Variants in DENND4C observed in about 807,000 individuals in gnomAD.
DENND4C encodes DENN domain-containing protein 4C.
DENND4C carries 108 observed loss-of-function variants against 203.0 expected under a neutral mutation model. The observed-to-expected ratio is 0.53, with a 90% CI of 0.46 to 0.62. The LOEUF (loss-of-function observed/expected upper bound fraction) is 0.62, where lower values mean the gene tolerates loss of function less well. Among genes scored for constraint, DENND4C ranks in the 20% least tolerant of loss-of-function variants. DENND4C has a pLI of 0.00. For synonymous variants in DENND4C, 871 were observed against 792.4 expected (o/e 1.10, Z -1.67); for missense variants, 2,481 against 2,301.2 (o/e 1.08, Z -1.60).
At chr9:19,356,400 C>T (rs913409903) in intron 26 of DENND4C, among the ~76,000 whole-genome samples, 5 of 151,950 alleles carry the variant, frequency 3.3e-5, no homozygotes, top group African/African-American at 1.2e-4. Context: ...AAAACATTAC[C>T]ATTACCTCAG....
chr9:19,321,683 A>G (rs889628819), intron 12 of DENND4C, among the ~76,000 whole-genome samples: 3 of 151,832 alleles, frequency 2.0e-5, no homozygotes, highest in Admixed American at 2.0e-4. Flanking sequence ...TGTCTCTACT[A>G]AAAATACAAA....
At chr9:19,332,744 C>CA (rs1270797442) in intron 17 of DENND4C, among the ~76,000 whole-genome samples, 11 of 147,124 alleles carry the variant, frequency 7.5e-5, no homozygotes, top group South Asian at 2.2e-4. Flanking sequence ...TGGCACCTGG[C>CA]ATATGGTTTT....
chr9:19,254,254 G>T (rs1442438332), intron 1 of DENND4C, among the ~76,000 whole-genome samples: 1 of 152,196 alleles, frequency 6.6e-6, no homozygotes, highest in African/African-American at 2.4e-5. Flanking sequence ...CAAAGGAAGT[G>T]AAATCAGTAG....
At chr9:19,300,045 A>C in intron 8 of DENND4C, 142 bp from the exon 9 acceptor site, 1 of 798,534 alleles carries the variant, frequency 1.3e-6, no homozygotes, top group Non-Finnish European at 1.8e-6. Flanking sequence ...ATCTTATTAA[A>C]TTTGCTACTT....
chr9:19,329,777 T>G (rs1311883900), intron 16 of DENND4C, among the ~76,000 whole-genome samples: 1 of 152,198 alleles, frequency 6.6e-6, no homozygotes, highest in African/African-American at 2.4e-5. Flanking sequence ...AATTTGCATT[T>G]CCCTAATGGC....
At chr9:19,263,817 G>A (rs954781861) in intron 1 of DENND4C, among the ~76,000 whole-genome samples, 1 of 151,738 alleles carries the variant, frequency 6.6e-6, no homozygotes, top group South Asian at 2.1e-4. Flanking sequence ...CACCACGCCC[G>A]GCTAAATTTT....
chr9:19,243,995 G>A (rs1256250174), intron 1 of DENND4C, among the ~76,000 whole-genome samples: 2 of 151,948 alleles, frequency 1.3e-5, no homozygotes, highest in African/African-American at 2.4e-5. Context: ...AAATTTTTTT[G>A]TATAGTCAGG....
chr9:19,241,350 C>G (rs1225018924), intron 1 of DENND4C, among the ~76,000 whole-genome samples: 3 of 151,824 alleles, frequency 2.0e-5, no homozygotes. Flanking sequence ...TCTTTAAATC[C>G]TTATTCTGTA....
intron 28 of DENND4C, among the ~76,000 whole-genome samples, chr9:19,359,239 T>G (rs1337493536): frequency 6.6e-6 from 1 of 151,792 alleles, no homozygotes; most frequent in Non-Finnish European, 1.5e-5. Context: ...TCAACATTTA[T>G]GTTTAATTAA....
chr9:19,296,836 C>G (rs1192097280), intron 6 of DENND4C, among the ~76,000 whole-genome samples: 2 of 152,196 alleles, frequency 1.3e-5, no homozygotes, highest in African/African-American at 4.8e-5. Context: ...CTGCTGCACA[C>G]ACACCCACCA....
intron 15 of DENND4C, 118 bp downstream of exon 15, chr9:19,326,312 C>A: frequency 3.8e-6 from 4 of 1,053,086 alleles, no homozygotes; most frequent in Non-Finnish European, 5.2e-6. Flanking sequence ...GTTCAGTGAA[C>A]TAATGTAGAT....
In DENND4C at chr9:19,282,559, T is replaced by TAAAA. The variant is rs55934794; in HGVS notation, c.306-4197_306-4194dup. 7.5e-3 allele frequency among the ~76,000 whole-genome samples: 1,035 copies of TAAAA among 137,162 alleles called. 25 individuals are homozygous for TAAAA. The highest frequency in any genetic ancestry group is 0.057 in the East Asian group (265 of 4,664). 90.0% of individuals were successfully genotyped at this position (137,162 alleles called of 152,430 possible). On this transcript the variant is annotated intron_variant, in intron 2 of 32. Transcript: ENST00000434457. ...ATGTGCCACCACGCCTGGCAAAAAT[T>TAAAA]AAAAAAAAAAAAAAAATAATGGGGT...
rs1265952228 is a variant in DENND4C, at chr9:19,296,231, C to G, written c.1025C>G (p.Pro342Arg). The change falls in exon 6 of 33, where the codon CCT (proline) becomes CGT (arginine). Residue 342 changes from proline to arginine, a missense_variant. Coordinates refer to ENST00000434457, the MANE Select transcript of DENND4C (RefSeq NM_001330640.2). ...IYKLSVSGPH[P>R]LPIEKHISHF... is the part of the protein sequence containing the mutation. The stretch of plus-strand genomic sequence containing the variant: ...AAACTTTCTGTGTCTGGACCACATC[C>G]TCTTCCCATTGAAAAGTATGTATAA... 2.5e-6 allele frequency: 4 copies of G among 1,605,166 alleles called. No individual in the cohort carries two copies. Among genetic ancestry groups the G allele is most frequent in the African/African-American group, 1.3e-5 (1 of 74,548 alleles).
intron 2 of DENND4C, among the ~76,000 whole-genome samples, chr9:19,285,911 A>C (rs1835117884): frequency 6.6e-6 from 1 of 152,096 alleles, no homozygotes; most frequent in Admixed American, 6.6e-5. Context: ...TATTCTGTTG[A>C]TCTATATGTT....
chr9:19,318,777 G>C (rs1237959506), intron 12 of DENND4C, among the ~76,000 whole-genome samples: 1 of 152,024 alleles, frequency 6.6e-6, no homozygotes, highest in African/African-American at 2.4e-5. Flanking sequence ...TACTGAACTA[G>C]GATCTACCCA....
In DENND4C at chr9:19,274,639, T is replaced by G. The variant is rs188884797; in HGVS notation, c.-17-1519T>G. On this transcript the variant is annotated intron_variant, in intron 1 of 32. Transcript: ENST00000434457. ...TGATTGTGGTAATGGTTTTATTGGT[T>G]GTTGTTTCTTATGCTCTATCTGGTA... Among the ~76,000 whole-genome samples, 11 of 152,306 alleles carry G rather than the reference T, an allele frequency of 7.2e-5. No homozygotes were observed. In the East Asian group the frequency reaches 1.4e-3, roughly 19 times the overall value.
In DENND4C at chr9:19,276,035, G is replaced by A. The variant is rs891168978; in HGVS notation, c.-17-123G>A. 28 of 474,246 alleles carry A rather than the reference G, an allele frequency of 5.9e-5. 2 individuals carry two copies. The highest frequency in any genetic ancestry group is 3.1e-4 in the Admixed American group (7 of 22,792). 29.4% of individuals were successfully genotyped at this position (474,246 alleles called of 1,614,324 possible). A position where few individuals can be genotyped will look rare whatever the true frequency, so the allele number is the denominator to read the frequency against. ...TAAAAGCAGGCTTCTTCTCAGAATG[G>A]CAATTTGATTATAAATCTAGCTGGG... On this transcript the variant is annotated intron_variant, in intron 1 of 32. Coordinates refer to ENST00000434457, the MANE Select transcript of DENND4C (RefSeq NM_001330640.2).
intron 2 of DENND4C, among the ~76,000 whole-genome samples, chr9:19,286,026 C>T (rs1835146059): frequency 1.3e-5 from 2 of 151,978 alleles, no homozygotes; most frequent in Non-Finnish European, 2.9e-5. Flanking sequence ...ATTGCTTTGA[C>T]AAGAAAAAAC....
intron 1 of DENND4C, among the ~76,000 whole-genome samples, chr9:19,257,060 A>G (rs969152900): frequency 8.7e-5 from 13 of 150,284 alleles, no homozygotes; most frequent in African/African-American, 1.7e-4. Context: ...ACAGAGTGAG[A>G]CTCCGTCTCA....
Sources: allele counts gnomAD v4.1 joint callset (sites outside exome capture counted in the v4.1 genomes callset), GRCh38; gene constraint gnomAD v4.1.1; transcripts MANE v1.5; gene names NCBI Gene and HGNC (gene_info 2026-07-23, HGNC 2026-07-21).